The following GRHL3 variants were observed in gnomAD, a reference collection of about 807,000 sequenced individuals.
GRHL3 encodes grainyhead like transcription factor 3.
Under a neutral mutation model 70.3 loss-of-function variants are expected in GRHL3, and 20 were observed. The ratio of observed to expected loss-of-function variants is 0.28; its 90% confidence interval spans 0.20 to 0.41. GRHL3 has a LOEUF of 0.41. Ranked by LOEUF, GRHL3 falls within the 10% of genes least tolerant of loss-of-function variation. The pLI, the probability that GRHL3 is intolerant of heterozygous loss-of-function variation, is 1.00. For synonymous variants in GRHL3, 299 were observed against 299.9 expected (o/e 1.00, Z 0.03); for missense variants, 637 against 762.3 (o/e 0.84, Z 1.94).
intron 3 of GRHL3, among the ~76,000 whole-genome samples, chr1:24,335,744 G>A (rs368158896): frequency 3.2e-4 from 48 of 152,056 alleles, no homozygotes; most frequent in African/African-American, 1.0e-3. Flanking sequence ...CACCTCGCCC[G>A]GCTAATATTT....
At chr1:24,350,239 G>A (rs1640452112) in intron 15 of GRHL3, 117 bp downstream of exon 15, 2 of 743,414 alleles carry the variant, frequency 2.7e-6, no homozygotes, top group Non-Finnish European at 2.2e-6. Flanking sequence ...TCCCCAGCCA[G>A]GCCAAAGCCA....
At chr1:24,358,094 G>C (rs532854665), downstream of GRHL3, 5 of 403,770 alleles carry the variant, frequency 1.2e-5, no homozygotes, top group East Asian at 3.6e-4. Context: ...AGAAAGGCAG[G>C]AGTGAGGGAA....
At chr1:24,350,386 A>C (rs964780036) in intron 15 of GRHL3, among the ~76,000 whole-genome samples, 1 of 152,184 alleles carries the variant, frequency 6.6e-6, no homozygotes, top group Non-Finnish European at 1.5e-5. Flanking sequence ...CATGTGTCAG[A>C]AGACCCAGGT....
Position 24,342,801 on chromosome 1 carries a change from C to T in GRHL3, c.1285+29C>T. The T allele has an allele frequency of 6.2e-7, 1 of 1,613,762 alleles. No individual in the cohort carries two copies. Among genetic ancestry groups the T allele is most frequent in the African/African-American group, 1.3e-5 (1 of 75,012 alleles). ...AGTGGGGATCCAGGGCCTGGGTGGG[C>T]TCGGCTGGCGTGAAGGGGAGAAGGA... On this transcript the variant is annotated intron_variant, in intron 10 of 15. Coordinates refer to ENST00000361548, the MANE Select transcript of GRHL3 (RefSeq NM_198173.3). This position sits in a 1 kb window ranked among gnomAD's most constrained non-coding sequence, Gnocchi z 4.8.
chr1:24,342,866 G>A lies in GRHL3; in HGVS notation c.1286-26G>A, dbSNP rs1240123288. 6.2e-7 allele frequency: 1 copy of A among 1,614,186 alleles called. No homozygotes were observed. The highest frequency in any genetic ancestry group is 8.5e-7 in the Non-Finnish European group (1 of 1,180,024). Reference sequence around the variant, plus strand: ...GGGACTTGAGTGGAGGGACCTCGGGGCACATTGGCTTCCTTCTCCCATCAG... The same window carrying A: ...GGGACTTGAGTGGAGGGACCTCGGGACACATTGGCTTCCTTCTCCCATCAG... On this transcript the variant is annotated intron_variant, in intron 10 of 15. Transcript: ENST00000361548. This position sits in a 1 kb window ranked among gnomAD's most constrained non-coding sequence, Gnocchi z 4.8.
Position 24,331,453 on chromosome 1 carries a change from C to T in GRHL3, c.45C>T (p.Asn15=), listed in dbSNP as rs777917975. Reference sequence around the variant, plus strand: ...TCAGGTCTGTGCGGCTGCTAAAGAACGACCCAGTCAACTTGCAGAAATTCT... The same window carrying T: ...TCAGGTCTGTGCGGCTGCTAAAGAATGACCCAGTCAACTTGCAGAAATTCT... The part of the protein sequence containing the change: ...LDFRSVRLLK[N]DPVNLQKFSY... Residue 15 remains asparagine (N), a synonymous_variant, in exon 2 of 16, where the codon AAC becomes AAT. Transcript: ENST00000361548. 28 of 1,612,958 alleles carry T rather than the reference C, an allele frequency of 1.7e-5. No individual in the cohort carries two copies. The highest frequency in any genetic ancestry group is 3.3e-5 in the Admixed American group (2 of 59,884).
At position 24,354,736 on chromosome 1, in the gene GRHL3, C is replaced by A; in HGVS notation, c.*248C>A. 1 of 411,882 alleles carries A rather than the reference C, an allele frequency of 2.4e-6. No homozygotes were observed. Among genetic ancestry groups the A allele is most frequent in the Non-Finnish European group, 4.5e-6 (1 of 223,662 alleles). The allele number at this position is 411,882 out of a possible 1,614,324, so 25.5% of individuals were successfully genotyped here. A position where few individuals can be genotyped will look rare whatever the true frequency, so the allele number is the denominator to read the frequency against. On this transcript the variant is annotated 3_prime_UTR_variant, in exon 16 of 16. Coordinates refer to ENST00000361548, the MANE Select transcript of GRHL3 (RefSeq NM_198173.3). ...TTCCTGCCAGTGCCTCCCCGTACCC[C>A]AAAACAATGTCACCATGGTTACCAC...
chr1:24,341,824 G>A (rs1436882624), intron 8 of GRHL3, among the ~76,000 whole-genome samples: 1 of 152,250 alleles, frequency 6.6e-6, no homozygotes. Flanking sequence ...GCCCTTGGCA[G>A]TCTAGCGGAA....
chr1:24,345,745 G>A (rs926166076), intron 12 of GRHL3, among the ~76,000 whole-genome samples: 4 of 152,320 alleles, frequency 2.6e-5, no homozygotes, highest in East Asian at 3.9e-4. Flanking sequence ...CAGCCTTAGT[G>A]CCCTGAGCAG....
chr1:24,337,292 C>T, intron 5 of GRHL3, 141 bp downstream of exon 5: 1 of 638,108 alleles, frequency 1.6e-6, no homozygotes, highest in East Asian at 2.7e-5. Flanking sequence ...TAGAGGGAGA[C>T]AGAATGATTC....
At chr1:24,326,491 T>C (rs955530953) in intron 1 of GRHL3, among the ~76,000 whole-genome samples, 1 of 152,102 alleles carries the variant, frequency 6.6e-6, no homozygotes, top group Non-Finnish European at 1.5e-5. Context: ...TCCTCTTGTT[T>C]CTTTTTCTTC....
chr1:24,350,264 A>G (rs1181415358), intron 15 of GRHL3, 142 bp downstream of exon 15: 1 of 621,798 alleles, frequency 1.6e-6, no homozygotes, highest in Non-Finnish European at 2.9e-6. Flanking sequence ...TCACCTCTCC[A>G]TCTGCAGAGA....
chr1:24,349,319 G>T (rs919310119), intron 14 of GRHL3, among the ~76,000 whole-genome samples: 4 of 152,226 alleles, frequency 2.6e-5, no homozygotes, highest in African/African-American at 9.7e-5. Context: ...TTAACCTGGG[G>T]TCTAGGCCTT....
intron 3 of GRHL3, among the ~76,000 whole-genome samples, chr1:24,336,012 C>T (rs1639793323): frequency 6.6e-6 from 1 of 152,214 alleles, no homozygotes; most frequent in South Asian, 2.1e-4. Context: ...CTGTACCCCT[C>T]TCCCGCTTAA....
chr1:24,360,731 C>T, intron 15 of GRHL3: 1 of 881,386 alleles, frequency 1.1e-6, no homozygotes, highest in Non-Finnish European at 1.7e-6. Flanking sequence ...TCCAAATCTA[C>T]CCTCATCCCT....
At chr1:24,341,437 G>A (rs763849095) in intron 8 of GRHL3, among the ~76,000 whole-genome samples, 5 of 152,162 alleles carry the variant, frequency 3.3e-5, no homozygotes, top group Non-Finnish European at 4.4e-5. Context: ...AGATGTGGGC[G>A]GCCCCTCCTC....
chr1:24,336,512 C>T lies in GRHL3; in HGVS notation c.297C>T (p.Asp99=). ...ACCATGGCATGGAATATGAGACGGACCTCACTCCCCTTGAAAGCCCCACAC... is the reference window on the plus strand; with the variant it reads ...ACCATGGCATGGAATATGAGACGGATCTCACTCCCCTTGAAAGCCCCACAC... ...RYYHGMEYET[D]LTPLESPTHL... is the part of the protein sequence containing the mutation. The change falls in exon 4 of 16, where the codon GAC becomes GAT. Residue 99 remains aspartate, a synonymous_variant. Transcript: ENST00000361548. 2.5e-6 allele frequency: 4 copies of T among 1,600,190 alleles called. No individual in the cohort carries two copies. In the East Asian group the frequency reaches 9.0e-5, roughly 36 times the overall value.
At chr1:24,358,029 T>C (rs957560385), downstream of GRHL3, 1 of 355,976 alleles carries the variant, frequency 2.8e-6, no homozygotes, top group Non-Finnish European at 5.6e-6. Flanking sequence ...TGCCTGCAGG[T>C]AGCTTTCGCC....
In GRHL3 at chr1:24,337,809, C is replaced by T. The variant is rs773656166; in HGVS notation, c.840+20C>T. Reference sequence around the variant, plus strand: ...GTCAAGGTGCGTTGGCCTGGAGCAGCTTCAGAAGGGGTGGAATGGGGCAAG... The same window carrying T: ...GTCAAGGTGCGTTGGCCTGGAGCAGTTTCAGAAGGGGTGGAATGGGGCAAG... On this transcript the variant is annotated intron_variant, in intron 6 of 15. Coordinates refer to ENST00000361548, the MANE Select transcript of GRHL3 (RefSeq NM_198173.3). 2 of 1,613,948 alleles carry T rather than the reference C, an allele frequency of 1.2e-6. No homozygotes were observed. The highest frequency in any genetic ancestry group is 1.7e-6 in the Non-Finnish European group (2 of 1,179,954).
Sources: allele counts gnomAD v4.1 joint callset (sites outside exome capture counted in the v4.1 genomes callset), GRCh38; gene constraint gnomAD v4.1.1; non-coding constraint Gnocchi (gnomAD v3.1); transcripts MANE v1.5; gene names NCBI Gene and HGNC (gene_info 2026-07-23, HGNC 2026-07-21).